Variants in KCNA6 observed in about 807,000 individuals in gnomAD.
The protein encoded by KCNA6 is human brain potassium channel-2.
Under a neutral mutation model 29.5 loss-of-function variants are expected in KCNA6, and 17 were observed. That is an observed-to-expected ratio of 0.58 (90% confidence interval 0.39 to 0.86). KCNA6 has a LOEUF of 0.86. Ranked by LOEUF, KCNA6 falls within the 40% of genes least tolerant of loss-of-function variation. KCNA6 has a pLI of 0.00. For synonymous variants in KCNA6, 296 were observed against 304.7 expected (o/e 0.97, Z 0.30); for missense variants, 450 against 703.4 (o/e 0.64, Z 4.07).
chr12:4,817,549 A>T (rs1946694040), downstream of KCNA6, among the ~76,000 whole-genome samples: 1 of 152,114 alleles, frequency 6.6e-6, no homozygotes, highest in Non-Finnish European at 1.5e-5. Context: ...GGGAGTGGAA[A>T]TCTATCAGCC....
At chr12:4,842,031 G>GTGTT in the KCNA6 span, among the ~76,000 whole-genome samples, 1 of 148,778 alleles carries the variant, frequency 6.7e-6, no homozygotes, top group Non-Finnish European at 1.5e-5. Context: ...GTGTGTGTGT[G>GTGTT]TGTGTGTGTG....
chr12:4,826,797 T>C, the KCNA6 span, among the ~76,000 whole-genome samples: 6 of 152,168 alleles, frequency 3.9e-5, no homozygotes. Context: ...AAAAAGAGAG[T>C]TGGAGTTACT....
chr12:4,819,166 G>A, the KCNA6 span, among the ~76,000 whole-genome samples: 4 of 152,014 alleles, frequency 2.6e-5, no homozygotes, highest in African/African-American at 7.3e-5. Context: ...GCATATATAC[G>A]TGGAACATCT....
At chr12:4,851,013 G>A in the KCNA6 span, 1 of 303,604 alleles carries the variant, frequency 3.3e-6, no homozygotes, top group Admixed American at 4.2e-5. Context: ...CAGCTATGGG[G>A]TGGTCAGGGG....
the KCNA6 span, among the ~76,000 whole-genome samples, chr12:4,827,177 CT>C: frequency 1.3e-4 from 16 of 118,604 alleles, no homozygotes; most frequent in African/African-American, 2.4e-4. Flanking sequence ...TCCTTCTTTC[CT>C]TCCTTCCCTC....
chr12:4,830,800 C>T, the KCNA6 span, among the ~76,000 whole-genome samples: 3 of 152,358 alleles, frequency 2.0e-5, no homozygotes, highest in South Asian at 6.2e-4. Context: ...GCGGGGTTTG[C>T]CTTGCAGGCA....
chr12:4,838,464 A>T, the KCNA6 span, among the ~76,000 whole-genome samples: 1 of 152,190 alleles, frequency 6.6e-6, no homozygotes, highest in Non-Finnish European at 1.5e-5. Context: ...GACTGAAGAC[A>T]GCTGCTTTTC....
chr12:4,849,469 T>G, the KCNA6 span, among the ~76,000 whole-genome samples: 28,891 of 149,534 alleles, frequency 0.19, 3,019 homozygotes, highest in Admixed American at 0.29. Flanking sequence ...CCACTGGAAT[T>G]TCACACAGAG....
the KCNA6 span, among the ~76,000 whole-genome samples, chr12:4,835,357 A>G: frequency 6.6e-6 from 1 of 151,986 alleles, no homozygotes; most frequent in Non-Finnish European, 1.5e-5. Context: ...GATGGTCTCG[A>G]TCTCCTGACC....
chr12:4,842,886 G>T, the KCNA6 span, among the ~76,000 whole-genome samples: 1 of 152,178 alleles, frequency 6.6e-6, no homozygotes, highest in African/African-American at 2.4e-5. Context: ...GGACTGGATG[G>T]ATGCAGGTGG....
chr12:4,835,934 GTTTTTT>G, the KCNA6 span, among the ~76,000 whole-genome samples: 703 of 137,176 alleles, frequency 5.1e-3, 4 homozygotes, highest in African/African-American at 0.018. Context: ...AAAAGTCGCT[GTTTTTT>G]TTTTTTTTTT....
At chr12:4,843,768 T>C in the KCNA6 span, among the ~76,000 whole-genome samples, 1 of 152,094 alleles carries the variant, frequency 6.6e-6, no homozygotes, top group African/African-American at 2.4e-5. Context: ...CAGTGCCACA[T>C]ACTTTAAAAC....
At chr12:4,845,484 AC>A in the KCNA6 span, among the ~76,000 whole-genome samples, 1 of 152,178 alleles carries the variant, frequency 6.6e-6, no homozygotes, top group Non-Finnish European at 1.5e-5. Flanking sequence ...CTCCGCAGTC[AC>A]GTTACGTGCA....
At chr12:4,827,204 C>CCTTCCTT in the KCNA6 span, among the ~76,000 whole-genome samples, 16,196 of 120,268 alleles carry the variant, frequency 0.13, 1,523 homozygotes, top group African/African-American at 0.24. Context: ...TTCCTTCCTT[C>CCTTCCTT]CCTCCTTCCT....
chr12:4,840,227 C>CTG, the KCNA6 span, among the ~76,000 whole-genome samples: 1 of 57,616 alleles, frequency 1.7e-5, no homozygotes, highest in African/African-American at 6.8e-5. Context: ...ATCTATCTAT[C>CTG]TATCTATCTA....
At position 4,811,547 on chromosome 12, in the gene KCNA6, C is replaced by T. The variant is rs755922919; in HGVS notation, c.1506C>T (p.Pro502=). The T allele has an allele frequency of 1.4e-5, 22 of 1,614,096 alleles. No individual in the cohort carries two copies. Among genetic ancestry groups the T allele is most frequent in the African/African-American group, 6.7e-5 (5 of 74,938 alleles). ...ACGGACTTGGCAAGCCTGACTTCCC[C>T]GAGGCTAACCGGGAACGGAGACCCA... The change falls in exon 1 of 1, where the codon CCC becomes CCT. Residue 502 remains proline (P), a synonymous_variant. Coordinates refer to ENST00000280684, the Ensembl canonical transcript of KCNA6. This position sits in a 1 kb window ranked among gnomAD's most constrained non-coding sequence, Gnocchi z 7.1.
the KCNA6 span, among the ~76,000 whole-genome samples, chr12:4,820,581 A>ACACACACACACACACACG: frequency 5.3e-5 from 8 of 151,842 alleles, no homozygotes; most frequent in African/African-American, 1.9e-4. Context: ...ACACACACAC[A>ACACACACACACACACACG]CACACACACA....
At chr12:4,833,488 A>G in the KCNA6 span, among the ~76,000 whole-genome samples, 1 of 152,132 alleles carries the variant, frequency 6.6e-6, no homozygotes, top group Non-Finnish European at 1.5e-5. Flanking sequence ...GCTGTTGACT[A>G]AGACTCAGTA....
the KCNA6 span, among the ~76,000 whole-genome samples, chr12:4,845,502 T>C: frequency 3.3e-5 from 5 of 152,166 alleles, no homozygotes; most frequent in African/African-American, 7.2e-5. Context: ...TGCATTGTTG[T>C]GGAGGTGTTG....
Sources: allele counts gnomAD v4.1 joint callset (sites outside exome capture counted in the v4.1 genomes callset), GRCh38; gene constraint gnomAD v4.1.1; non-coding constraint Gnocchi (gnomAD v3.1); transcripts MANE v1.5; gene names NCBI Gene and HGNC (gene_info 2026-07-23, HGNC 2026-07-21).